The following ITFG1 variants were observed in gnomAD, a reference collection of about 807,000 sequenced individuals.
The protein encoded by ITFG1 is T-cell immunomodulatory protein.
ITFG1 carries 34 observed loss-of-function variants against 81.8 expected under a neutral mutation model. That is an observed-to-expected ratio of 0.42 (90% CI 0.32 to 0.55). ITFG1 has a LOEUF of 0.55. Among genes scored for constraint, ITFG1 ranks in the 20% least tolerant of loss-of-function variants. ITFG1 has a pLI of 0.17. For synonymous variants in ITFG1, 285 were observed against 270.6 expected (o/e 1.05, Z -0.52); for missense variants, 672 against 755.4 (o/e 0.89, Z 1.29).
rs1351641123 is a variant in ITFG1 at position 47,218,894 on chromosome 16, G to A, written c.1427C>T (p.Ala476Val). Residue 476 changes from alanine to valine, a missense_variant, in exon 14 of 18, where the codon GCA becomes GTA. Ala to Val is a moderately conservative substitution (Grantham distance 64). This residue lies in a region of ITFG1 where 560 missense variants were observed against 625.7 expected (regional missense o/e 0.90). Transcript: ENST00000320640. ...GPYIMYTTVD[A>V]NGYLKNGSAG... Reference sequence around the variant, plus strand: ...TGATCCATTTTTCAGATACCCATTTGCATCTACAGTTGTATACATGATATA... The same window carrying A: ...TGATCCATTTTTCAGATACCCATTTACATCTACAGTTGTATACATGATATA... 3 of 1,598,794 alleles carry A rather than the reference G, an allele frequency of 1.9e-6. No individual in the cohort carries two copies. Among genetic ancestry groups the A allele is most frequent in the South Asian group, 1.1e-5 (1 of 88,828 alleles).
At chr16:47,167,002 T>C (rs1426861121) in intron 14 of ITFG1, among the ~76,000 whole-genome samples, 1 of 152,214 alleles carries the variant, frequency 6.6e-6, no homozygotes, top group Admixed American at 6.5e-5. Context: ...CTTTAGAGTG[T>C]AGAATCAAAT....
At position 47,239,778 on chromosome 16, in the gene ITFG1, C is replaced by T. The variant is rs373508610; in HGVS notation, c.1331-1770G>A. ...TAACTTCTCACTCTCCTTTTATCTT[C>T]TTCCCTAAAGTTTAGGTAGATATTG... On this transcript the variant is annotated intron_variant, in intron 12 of 17. Coordinates refer to ENST00000320640, the MANE Select transcript of ITFG1 (RefSeq NM_030790.5). Among the ~76,000 whole-genome samples the T allele has an allele frequency of 3.3e-5, 5 of 152,282 alleles. No homozygotes were observed. The East Asian group carries it at 5.8e-4, about 18-fold the overall frequency.
intron 6 of ITFG1, among the ~76,000 whole-genome samples, chr16:47,386,466 G>C (rs1968463654): frequency 6.6e-6 from 1 of 152,180 alleles, no homozygotes; most frequent in Non-Finnish European, 1.5e-5. Context: ...CCTGCTATAT[G>C]CTGTAGAGGC....
chr16:47,267,082 G>C (rs138254182), intron 10 of ITFG1, among the ~76,000 whole-genome samples: 1 of 152,114 alleles, frequency 6.6e-6, no homozygotes, highest in Non-Finnish European at 1.5e-5. Context: ...GCTTCATTCG[G>C]GGTTAATGAA....
chr16:47,416,170 T>A (rs1453537451), intron 6 of ITFG1, among the ~76,000 whole-genome samples: 1 of 152,010 alleles, frequency 6.6e-6, no homozygotes, highest in East Asian at 1.9e-4. Flanking sequence ...AAACTCTTCA[T>A]GAGATTATGA....
rs145035334 is a variant in ITFG1 at position 47,193,820 on chromosome 16, T to G, written c.1453+25048A>C. 1.6e-3 allele frequency among the ~76,000 whole-genome samples: 249 copies of G among 152,356 alleles called. 2 individuals carry two copies. Among genetic ancestry groups the G allele is most frequent in the Non-Finnish European group, 2.7e-3 (185 of 68,026 alleles). ...TTATTATGGTTAGTAAACTGTTCAC[T>G]AAACTGTAATGAAAAATAAATGTTT... is the stretch of plus-strand genomic sequence containing the variant. On this transcript the variant is annotated intron_variant, in intron 14 of 17. Transcript: ENST00000320640.
At chr16:47,358,595 A>T (rs1968070651) in intron 8 of ITFG1, among the ~76,000 whole-genome samples, 1 of 152,228 alleles carries the variant, frequency 6.6e-6, no homozygotes, top group Non-Finnish European at 1.5e-5. Flanking sequence ...AAGTAATGAT[A>T]TGTTAATCTT....
chr16:47,173,928 T>G (rs566707553), intron 14 of ITFG1, among the ~76,000 whole-genome samples: 132 of 152,146 alleles, frequency 8.7e-4, no homozygotes, highest in African/African-American at 2.9e-3. Context: ...TAGTCCCAGC[T>G]ACTTGGGAGG....
At position 47,376,312 on chromosome 16, in the gene ITFG1, A is replaced by G. The variant is rs774171598; in HGVS notation, c.656-372T>C. ...CTTTCTCACCCTGAAAGCAAGCAAC[A>G]CTTACCTATATATCATAGTTTTCAG... On this transcript the variant is annotated intron_variant, in intron 6 of 17. Coordinates refer to ENST00000320640, the MANE Select transcript of ITFG1 (RefSeq NM_030790.5). Among the ~76,000 whole-genome samples, 50 of 152,192 alleles carry G rather than the reference A, an allele frequency of 3.3e-4. No homozygotes were observed. In the Middle Eastern group the frequency reaches 0.02, roughly 62 times the overall value.
intron 8 of ITFG1, among the ~76,000 whole-genome samples, chr16:47,316,580 C>T (rs966102108): frequency 5.3e-5 from 8 of 152,208 alleles, no homozygotes; most frequent in Non-Finnish European, 8.8e-5. Flanking sequence ...ACCTCTTGTT[C>T]CGTACAGCAT....
chr16:47,421,673 AT>A (rs1174519043), intron 6 of ITFG1, among the ~76,000 whole-genome samples: 1 of 152,094 alleles, frequency 6.6e-6, no homozygotes, highest in Non-Finnish European at 1.5e-5. Flanking sequence ...TAGGTGATTA[AT>A]TATTCCTTTT....
At chr16:47,319,954 C>G (rs1189005343) in intron 8 of ITFG1, among the ~76,000 whole-genome samples, 1 of 152,190 alleles carries the variant, frequency 6.6e-6, no homozygotes, top group Non-Finnish European at 1.5e-5. Flanking sequence ...CAGAGTCTCA[C>G]TCTGTCACCC....
chr16:47,336,762 A>T (rs1306355895), intron 8 of ITFG1, among the ~76,000 whole-genome samples: 1 of 152,160 alleles, frequency 6.6e-6, no homozygotes, highest in East Asian at 1.9e-4. Context: ...CAGGAGTTCT[A>T]GACCTGCCTG....
chr16:47,325,286 G>C (rs1373854310), intron 8 of ITFG1, among the ~76,000 whole-genome samples: 1 of 152,144 alleles, frequency 6.6e-6, no homozygotes, highest in African/African-American at 2.4e-5. Flanking sequence ...TGAGAACAAA[G>C]ACACAACATA....
intron 6 of ITFG1, among the ~76,000 whole-genome samples, chr16:47,395,297 T>C (rs1236334236): frequency 6.6e-6 from 1 of 152,138 alleles, no homozygotes; most frequent in Non-Finnish European, 1.5e-5. Flanking sequence ...TGCTCCACAA[T>C]ATATACAGCT....
At chr16:47,167,595 C>A (rs1056478165) in intron 14 of ITFG1, among the ~76,000 whole-genome samples, 1 of 152,066 alleles carries the variant, frequency 6.6e-6, no homozygotes, top group Non-Finnish European at 1.5e-5. Flanking sequence ...TGTAATTTTC[C>A]TTTACCTACC....
At chr16:47,160,451 T>TG (rs1404921705) in intron 16 of ITFG1, among the ~76,000 whole-genome samples, 2 of 152,082 alleles carry the variant, frequency 1.3e-5, no homozygotes, top group East Asian at 3.9e-4. Context: ...TCCGTGGCAG[T>TG]GAAAAAAAAT....
intron 8 of ITFG1, among the ~76,000 whole-genome samples, chr16:47,360,567 C>T (rs1968096477): frequency 6.6e-6 from 1 of 152,134 alleles, no homozygotes; most frequent in South Asian, 2.1e-4. Flanking sequence ...TTTCTGCTTT[C>T]TAGCTTCTTT....
At chr16:47,371,760 A>T (rs1358975739) in intron 7 of ITFG1, among the ~76,000 whole-genome samples, 1 of 152,116 alleles carries the variant, frequency 6.6e-6, no homozygotes, top group Non-Finnish European at 1.5e-5. Context: ...GTTACTATGA[A>T]CTAGTGAGAA....
Sources: gnomAD v4.1 joint callset for allele counts (sites outside exome capture counted in the v4.1 genomes callset) on GRCh38, gnomAD v4.1.1 for gene constraint, gnomAD v4.1.1 regional missense constraint, MANE v1.5 for transcripts, NCBI Gene and HGNC (gene_info 2026-07-23, HGNC 2026-07-21) for gene names.